Variants in HDAC9 observed in about 807,000 individuals in gnomAD.
HDAC9 encodes the protein MEF-2 interacting transcription repressor (MITR) protein.
In HDAC9, 41 loss-of-function variants were observed where a neutral mutation model predicts 139.4. The observed-to-expected ratio is 0.29, with a 90% CI of 0.23 to 0.38. HDAC9 has a LOEUF of 0.38. Among genes scored for constraint, HDAC9 ranks in the 10% least tolerant of loss-of-function variants. HDAC9 has a pLI of 1.00. For synonymous variants in HDAC9, 517 were observed against 476.2 expected, an observed-to-expected ratio of 1.09 and a Z score of -1.12; for missense variants, 1,147 against 1,297.0, an observed-to-expected ratio of 0.88 and a Z score of 1.78.
chr7:18,617,009 C>A (rs1234310502), intron 6 of HDAC9, among the ~76,000 whole-genome samples: 1 of 152,166 alleles, frequency 6.6e-6, no homozygotes, highest in African/African-American at 2.4e-5. Flanking sequence ...ATAAATGGAA[C>A]CATGTTCTGT....
intron 2 of HDAC9, among the ~76,000 whole-genome samples, chr7:18,254,818 A>G (rs1247768612): frequency 6.6e-6 from 1 of 152,174 alleles, no homozygotes; most frequent in African/African-American, 2.4e-5. Context: ...TAAGTGCAGT[A>G]ATACTAAGGT....
chr7:18,889,233 T>C (rs1037784891), intron 22 of HDAC9, among the ~76,000 whole-genome samples: 4 of 152,278 alleles, frequency 2.6e-5, no homozygotes, highest in Non-Finnish European at 4.4e-5. Flanking sequence ...ATCTCTTCTT[T>C]AGTGATAACC....
At chr7:18,511,695 G>A (rs1449772457) in intron 2 of HDAC9, among the ~76,000 whole-genome samples, 1 of 152,162 alleles carries the variant, frequency 6.6e-6, no homozygotes, top group East Asian at 1.9e-4. Context: ...TGCCCAGTCA[G>A]CTTCCTTGGG....
chr7:19,000,778 C>A lies in HDAC9; in HGVS notation c.*4716C>A, dbSNP rs999712265. The A allele has an allele frequency of 6.6e-6, 1 of 152,148 alleles. No homozygotes were observed. Among genetic ancestry groups the A allele is most frequent in the African/African-American group, 2.4e-5 (1 of 41,434 alleles). The allele number at this position is 152,148 out of a possible 1,614,324, so 9.4% of individuals were successfully genotyped here. A position where few individuals can be genotyped will look rare whatever the true frequency, so the allele number is the denominator to read the frequency against. On this transcript the variant is annotated 3_prime_UTR_variant, in exon 26 of 26. Transcript: ENST00000686413. The stretch of plus-strand genomic sequence containing the variant: ...AACTTACAATCTAACAAATAATTTT[C>A]TTTCAACTCTTCTCTTTTTCTGCCT...
chr7:18,465,260 T>A (rs1294428138), intron 1 of HDAC9, among the ~76,000 whole-genome samples: 1 of 152,100 alleles, frequency 6.6e-6, no homozygotes, highest in African/African-American at 2.4e-5. Flanking sequence ...CTTGTATATT[T>A]CTAAAGATTC....
intron 6 of HDAC9, among the ~76,000 whole-genome samples, chr7:18,623,508 A>G (rs1322753021): frequency 2.0e-5 from 3 of 152,164 alleles, no homozygotes; most frequent in Non-Finnish European, 2.9e-5. Context: ...TATGTAATGA[A>G]CAATTTTTTT....
chr7:18,280,372 G>A (rs1797022498), intron 2 of HDAC9, among the ~76,000 whole-genome samples: 1 of 152,160 alleles, frequency 6.6e-6, no homozygotes, highest in Admixed American at 6.5e-5. Flanking sequence ...GGCGCATCAT[G>A]AGGTCAGGGG....
intron 2 of HDAC9, among the ~76,000 whole-genome samples, chr7:18,256,054 C>T (rs1017131219): frequency 1.5e-5 from 2 of 135,690 alleles, no homozygotes; most frequent in Non-Finnish European, 1.7e-5. Context: ...ACCTTGACAT[C>T]TCAGCATATC....
chr7:18,660,258 T>G (rs1792692684), intron 11 of HDAC9, among the ~76,000 whole-genome samples: 1 of 152,150 alleles, frequency 6.6e-6, no homozygotes, highest in Non-Finnish European at 1.5e-5. Flanking sequence ...ATACCTAAAA[T>G]AAGAAGTGTA....
chr7:18,898,397 A>ATTTT (rs1801405994), intron 22 of HDAC9, among the ~76,000 whole-genome samples: 1 of 151,970 alleles, frequency 6.6e-6, no homozygotes, highest in Non-Finnish European at 1.5e-5. Context: ...TTTTACATAA[A>ATTTT]TATTTTAAAA....
intron 17 of HDAC9, among the ~76,000 whole-genome samples, chr7:18,822,608 C>T (rs943338729): frequency 1.3e-5 from 2 of 152,196 alleles, no homozygotes; most frequent in Non-Finnish European, 2.9e-5. Flanking sequence ...CTGCCTTGGC[C>T]TCCCAAAATG....
At chr7:18,153,604 A>T (rs1005779721) in intron 1 of HDAC9, among the ~76,000 whole-genome samples, 2 of 152,144 alleles carry the variant, frequency 1.3e-5, no homozygotes, top group African/African-American at 4.8e-5. Context: ...TTGCAAAGGG[A>T]GTAGCCTTTG....
At chr7:18,447,844 T>C (rs1174182747) in intron 1 of HDAC9, among the ~76,000 whole-genome samples, 1 of 152,150 alleles carries the variant, frequency 6.6e-6, no homozygotes, top group Non-Finnish European at 1.5e-5. Context: ...CTAGAGCGTA[T>C]ACAAAGGGGA....
At position 18,269,934 on chromosome 7, in the gene HDAC9, C is replaced by T. The variant is rs542556229; in HGVS notation, c.25+107585C>T. Among the ~76,000 whole-genome samples, 10 of 152,124 alleles carry T rather than the reference C, an allele frequency of 6.6e-5. 1 individual carries two copies. The highest frequency in any genetic ancestry group is 1.4e-4 in the African/African-American group (6 of 41,484). On this transcript the variant is annotated intron_variant, in intron 2 of 12. Transcript: ENST00000417496. ...CTTGAGTTTGATAGAGATAAGCAGTCCACACAAAAGGGCTAGACAGGGGTT... is the reference window on the plus strand; with the variant it reads ...CTTGAGTTTGATAGAGATAAGCAGTTCACACAAAAGGGCTAGACAGGGGTT...
At chr7:18,196,799 G>A (rs963330751) in intron 2 of HDAC9, among the ~76,000 whole-genome samples, 5 of 152,226 alleles carry the variant, frequency 3.3e-5, no homozygotes, top group African/African-American at 9.6e-5. Context: ...GACCTGAACC[G>A]AGAAGACAGT....
chr7:18,580,106 G>A (rs1827326773), intron 2 of HDAC9, among the ~76,000 whole-genome samples: 1 of 152,140 alleles, frequency 6.6e-6, no homozygotes. Context: ...TACTCTGAAT[G>A]AACTCTTTAA....
At chr7:18,128,512 C>T (rs998501925) in intron 1 of HDAC9, among the ~76,000 whole-genome samples, 2 of 152,012 alleles carry the variant, frequency 1.3e-5, no homozygotes, top group African/African-American at 4.8e-5. Flanking sequence ...CCTCAAGCCA[C>T]ATGAACCTTT....
At chr7:18,799,247 A>T (rs1793087728) in intron 17 of HDAC9, among the ~76,000 whole-genome samples, 1 of 152,220 alleles carries the variant, frequency 6.6e-6, no homozygotes, top group Non-Finnish European at 1.5e-5. Context: ...ATTTCACAAA[A>T]GTCACTAAGA....
At chr7:18,719,397 TG>T (rs1256034182) in intron 12 of HDAC9, among the ~76,000 whole-genome samples, 1 of 136,468 alleles carries the variant, frequency 7.3e-6, no homozygotes, top group African/African-American at 2.8e-5. Context: ...TGGAGTGCAA[TG>T]GCACGATCTC....
Sources: gnomAD v4.1 joint callset for allele counts (sites outside exome capture counted in the v4.1 genomes callset) on GRCh38, gnomAD v4.1.1 for gene constraint, MANE v1.5 for transcripts, NCBI Gene and HGNC (gene_info 2026-07-23, HGNC 2026-07-21) for gene names.